The following ATXN10 variants were observed in gnomAD, a reference collection of about 807,000 sequenced individuals.
The protein encoded by ATXN10 is ataxin 10.
In ATXN10, 28 loss-of-function variants were observed where a neutral mutation model predicts 52.9. The observed-to-expected ratio is 0.53, with a 90% CI of 0.39 to 0.73. The LOEUF is 0.73. Ranked by LOEUF, ATXN10 falls within the 30% of genes least tolerant of loss-of-function variation. The pLI is 0.00. For missense variants in ATXN10, 565 were observed against 577.0 expected (o/e 0.98, Z 0.21); for synonymous variants, 226 against 221.5 (o/e 1.02, Z -0.18).
In ATXN10 at chr22:45,696,297, G is replaced by A. The variant is rs576174146; in HGVS notation, c.391+3219G>A. On this transcript the variant is annotated intron_variant, in intron 3 of 11. Coordinates refer to ENST00000252934, the MANE Select transcript of ATXN10 (RefSeq NM_013236.4). The surrounding 1 kb of genome is among the most constrained non-coding windows in gnomAD (Gnocchi z 4.7). ...GAAGGGCAGCTATTTTGAGGTCTCT[G>A]TGTGGTATAGTAATTGAGAAAGAAA... is the stretch of plus-strand genomic sequence containing the variant. 7.9e-5 allele frequency among the ~76,000 whole-genome samples: 12 copies of A among 152,348 alleles called. No individual in the cohort carries two copies. In the South Asian group the frequency reaches 2.5e-3, roughly 32 times the overall value.
intron 5 of ATXN10, among the ~76,000 whole-genome samples, chr22:45,709,377 G>C (rs2283665): frequency 0.085 from 12,986 of 152,278 alleles, 690 homozygotes; most frequent in Middle Eastern, 0.15. Context: ...ACTTCAGATG[G>C]TTTATGCACA....
chr22:45,674,111 G>A (rs1922586666), intron 1 of ATXN10: 1 of 152,224 alleles, frequency 6.6e-6, no homozygotes, highest in South Asian at 2.1e-4. Flanking sequence ...ATGAGAGGAC[G>A]AAGCTAGAGA....
intron 9 of ATXN10, among the ~76,000 whole-genome samples, chr22:45,745,984 AGT>A (rs954510260): frequency 6.6e-6 from 1 of 152,188 alleles, no homozygotes; most frequent in Admixed American, 6.6e-5. Flanking sequence ...TATTTTTGAA[AGT>A]CTTTTTTTAT....
Position 45,712,839 on chromosome 22 carries a change from C to A in ATXN10, c.648-5574C>A, listed in dbSNP as rs1402736149. Among the ~76,000 whole-genome samples the A allele has an allele frequency of 6.6e-6, 1 of 152,158 alleles. No individual in the cohort carries two copies. The highest frequency in any genetic ancestry group is 1.5e-5 in the Non-Finnish European group (1 of 68,020). On this transcript the variant is annotated intron_variant, in intron 5 of 11. Transcript: ENST00000252934. The surrounding 1 kb of genome is among the most constrained non-coding windows in gnomAD (Gnocchi z 4.6). ...TTAACAGGAGAAGGGAGGTTATTTT[C>A]TAGACCAGCTTTGTAAGCTTTGTCC...
chr22:45,842,870 A>G lies in ATXN10; in HGVS notation c.1238-121A>G. On this transcript the variant is annotated intron_variant, in intron 10 of 11. Coordinates refer to ENST00000252934, the MANE Select transcript of ATXN10 (RefSeq NM_013236.4). This position sits in a 1 kb window ranked among gnomAD's most constrained non-coding sequence, Gnocchi z 4.8. ...ATTCAGAGAATGCATCCTCAAGAAA[A>G]CTTGTGGATTGATACTGGATGTTCC... 2 of 1,114,922 alleles carry G rather than the reference A, an allele frequency of 1.8e-6. No individual in the cohort carries two copies. The highest frequency in any genetic ancestry group is 1.5e-5 in the African/African-American group (1 of 65,386). The allele number at this position is 1,114,922 out of a possible 1,614,324, so 69.1% of individuals were successfully genotyped here.
chr22:45,740,405 C>A lies in ATXN10; in HGVS notation c.1040C>A (p.Thr347Asn), dbSNP rs1200238199. 5 of 1,613,840 alleles carry A rather than the reference C, an allele frequency of 3.1e-6. No individual in the cohort carries two copies. The South Asian group carries it at 4.4e-5, about 14-fold the overall frequency. Residue 347 changes from threonine to asparagine, a missense_variant, in exon 9 of 12, where the codon ACC (threonine) becomes AAC (asparagine). Transcript: ENST00000252934. ...LRVIHVAGKE[T>N]TNIFSNCGCV... ...GTGATTCATGTAGCTGGAAAAGAAA[C>A]CACAAACATCTTCAGTAATTGTGGT...
At chr22:45,817,017 T>G (rs930046845) in intron 10 of ATXN10, among the ~76,000 whole-genome samples, 8 of 152,308 alleles carry the variant, frequency 5.3e-5, no homozygotes, top group Admixed American at 3.3e-4. Context: ...TTGTAAAAGA[T>G]AGCAATGAAT....
intron 5 of ATXN10, among the ~76,000 whole-genome samples, chr22:45,711,481 T>C (rs1478529756): frequency 6.6e-6 from 1 of 152,082 alleles, no homozygotes; most frequent in Non-Finnish European, 1.5e-5. Context: ...TACAGAGAGC[T>C]AAAGACATGC....
At chr22:45,827,674 T>C (rs1928859612) in intron 10 of ATXN10, among the ~76,000 whole-genome samples, 1 of 152,176 alleles carries the variant, frequency 6.6e-6, no homozygotes, top group Non-Finnish European at 1.5e-5. Flanking sequence ...GAAATAGTTC[T>C]ACAGTAATAG....
chr22:45,756,799 A>T (rs1364146377), intron 9 of ATXN10, among the ~76,000 whole-genome samples: 1 of 152,224 alleles, frequency 6.6e-6, no homozygotes, highest in Non-Finnish European at 1.5e-5. Flanking sequence ...GTTTAATGTG[A>T]GACTACTTTC....
Position 45,684,600 on chromosome 22 carries a change from C to G in ATXN10, c.117-5112C>G, listed in dbSNP as rs536249441. On this transcript the variant is annotated intron_variant, in intron 1 of 11. Coordinates refer to ENST00000252934, the MANE Select transcript of ATXN10 (RefSeq NM_013236.4). The surrounding 1 kb of genome is among the most constrained non-coding windows in gnomAD (Gnocchi z 4.1). ...TCACTTGTTTAGGTGTTTCCTGTGG[C>G]TGCGTTTGTGCACTGGGGGAGTTGA... is the stretch of plus-strand genomic sequence containing the variant. 6.6e-6 allele frequency among the ~76,000 whole-genome samples: 1 copy of G among 152,262 alleles called. No individual in the cohort carries two copies. The highest frequency in any genetic ancestry group is 6.5e-5 in the Admixed American group (1 of 15,298).
chr22:45,673,271 T>C (rs893565004), intron 1 of ATXN10: 1 of 152,148 alleles, frequency 6.6e-6, no homozygotes, highest in African/African-American at 2.4e-5. Context: ...AACACAGCTG[T>C]GGGGGTATGT....
intron 9 of ATXN10, among the ~76,000 whole-genome samples, chr22:45,765,645 C>T (rs1042889596): frequency 6.6e-6 from 1 of 152,144 alleles, no homozygotes; most frequent in Admixed American, 6.5e-5. Context: ...AATCACTCCT[C>T]AAATATAAAG....
intron 6 of ATXN10, among the ~76,000 whole-genome samples, chr22:45,726,672 C>A (rs189713906): frequency 6.6e-6 from 1 of 151,930 alleles, no homozygotes; most frequent in Admixed American, 6.6e-5. Context: ...TATTTCTTTT[C>A]TTTTGCTAGC....
chr22:45,819,669 A>T lies in ATXN10; in HGVS notation c.1237+12647A>T, dbSNP rs1291651931. Among the ~76,000 whole-genome samples the T allele has an allele frequency of 5.3e-5, 8 of 152,198 alleles. No individual in the cohort carries two copies. Among genetic ancestry groups the T allele is most frequent in the Non-Finnish European group, 1.2e-4 (8 of 68,040 alleles). On this transcript the variant is annotated intron_variant, in intron 10 of 11. Transcript: ENST00000252934. The surrounding 1 kb of genome is among the most constrained non-coding windows in gnomAD (Gnocchi z 4.5). ...GACTGCCTGTGCATGAAGTGCTGAG[A>T]TGAGTTCTTGGCCTGTGGTCTGTGC...
chr22:45,799,228 G>A (rs185944145), intron 9 of ATXN10, among the ~76,000 whole-genome samples: 100 of 152,084 alleles, frequency 6.6e-4, no homozygotes, highest in African/African-American at 2.1e-3. Flanking sequence ...CTGCCACCAC[G>A]CCCGTCCCAG....
chr22:45,725,032 G>C (rs1263484001), intron 6 of ATXN10, among the ~76,000 whole-genome samples: 1 of 152,100 alleles, frequency 6.6e-6, no homozygotes, highest in Non-Finnish European at 1.5e-5. Flanking sequence ...CTTTATATCA[G>C]TACAATCCTG....
At position 45,805,829 on chromosome 22, in the gene ATXN10, T is replaced by A. The variant is rs1390964065; in HGVS notation, c.1174-1130T>A. On this transcript the variant is annotated intron_variant, in intron 9 of 11. Transcript: ENST00000252934. The surrounding 1 kb of genome is among the most constrained non-coding windows in gnomAD (Gnocchi z 4.4). ...CTGAAAACCACCAAATTGCACACTT[T>A]AAAAGTGTGAATTTTATAGTTTGTG... Among the ~76,000 whole-genome samples, 1 of 152,162 alleles carries A rather than the reference T, an allele frequency of 6.6e-6. No individual in the cohort carries two copies. Among genetic ancestry groups the A allele is most frequent in the East Asian group, 1.9e-4 (1 of 5,200 alleles).
At chr22:45,749,085 G>A (rs1024262016) in intron 9 of ATXN10, among the ~76,000 whole-genome samples, 9 of 152,056 alleles carry the variant, frequency 5.9e-5, no homozygotes, top group South Asian at 2.1e-4. Context: ...TACTATTGTC[G>A]ATAACCATTA....
Sources: gnomAD v4.1 joint callset for allele counts (sites outside exome capture counted in the v4.1 genomes callset) on GRCh38, gnomAD v4.1.1 for gene constraint, Gnocchi (gnomAD v3.1) non-coding constraint, MANE v1.5 for transcripts, NCBI Gene and HGNC (gene_info 2026-07-23, HGNC 2026-07-21) for gene names.